GRIK4: variants seen among roughly 807,000 people sequenced by gnomAD.
GRIK4 encodes glutamate ionotropic receptor kainate type subunit 4, also known as glutamate receptor ionotropic, kainate 4.
GRIK4 carries 40 observed loss-of-function variants against 104.9 expected under a neutral mutation model. That is an observed-to-expected ratio of 0.38 (90% confidence interval 0.30 to 0.50). GRIK4 has a LOEUF of 0.50. Among genes scored for constraint, GRIK4 ranks in the 20% least tolerant of loss-of-function variants. The pLI, the probability that GRIK4 is intolerant of heterozygous loss-of-function variation, is 0.93. For synonymous variants in GRIK4, 485 were observed against 524.9 expected (o/e 0.92, Z 1.04); for missense variants, 1,047 against 1,308.1 (o/e 0.80, Z 3.08).
intron 1 of GRIK4, among the ~76,000 whole-genome samples, chr11:120,595,728 GC>G (rs1239767823): frequency 6.6e-6 from 1 of 152,208 alleles, no homozygotes; most frequent in Non-Finnish European, 1.5e-5. Context: ...GTAGGTCTCA[GC>G]TGAGCTTCCA....
At chr11:120,572,409 G>A (rs764353790) in intron 1 of GRIK4, among the ~76,000 whole-genome samples, 2 of 152,158 alleles carry the variant, frequency 1.3e-5, no homozygotes, top group African/African-American at 2.4e-5. Flanking sequence ...AGAGCGTTGC[G>A]GAGAAGATCA....
In GRIK4 at chr11:120,693,515, G is replaced by A. The variant is rs189803626; in HGVS notation, c.82+33115G>A. ...AGTCTGTCCATCCATCCATCCATCC[G>A]TCTATCAGTTAGTCCTTTCAATAAA... On this transcript the variant is annotated intron_variant, in intron 3 of 20. Coordinates refer to ENST00000527524, the MANE Select transcript of GRIK4 (RefSeq NM_014619.5). Among the ~76,000 whole-genome samples, 7 of 152,270 alleles carry A rather than the reference G, an allele frequency of 4.6e-5. No homozygotes were observed. In the East Asian group the frequency reaches 7.7e-4, roughly 17 times the overall value.
chr11:120,710,843 C>T (rs1404312617), intron 3 of GRIK4, among the ~76,000 whole-genome samples: 1 of 152,184 alleles, frequency 6.6e-6, no homozygotes, highest in Non-Finnish European at 1.5e-5. Context: ...TGTTTGTGTG[C>T]CTGGAGGCCT....
rs118146504 is a variant in GRIK4, at chr11:120,849,039, T to G, written c.744+12195T>G. Among the ~76,000 whole-genome samples the G allele has an allele frequency of 8.1e-3, 1,238 of 152,272 alleles. 7 individuals are homozygous for G. The highest frequency in any genetic ancestry group is 0.016 in the South Asian group (75 of 4,820). ...TTATCAGACAACCCCTTTGCTGATG[T>G]TTGACAAATAGCATGACAGGGAAGA... is the stretch of plus-strand genomic sequence containing the variant. On this transcript the variant is annotated intron_variant, in intron 8 of 20. Coordinates refer to ENST00000527524, the MANE Select transcript of GRIK4 (RefSeq NM_014619.5).
At chr11:120,937,673 T>A (rs1343608414) in intron 13 of GRIK4, among the ~76,000 whole-genome samples, 2 of 151,998 alleles carry the variant, frequency 1.3e-5, no homozygotes, top group Non-Finnish European at 2.9e-5. Flanking sequence ...TGTCAGTGAG[T>A]GAGTAGACAG....
chr11:120,810,989 C>T (rs1055243642), intron 4 of GRIK4, among the ~76,000 whole-genome samples: 1 of 152,136 alleles, frequency 6.6e-6, no homozygotes, highest in African/African-American at 2.4e-5. Context: ...TAATTCCCCC[C>T]ACAAGTGTTC....
chr11:120,952,773 C>G lies in GRIK4; in HGVS notation c.1591-82C>G. 1 of 908,640 alleles carries G rather than the reference C, an allele frequency of 1.1e-6. No homozygotes were observed. Among genetic ancestry groups the G allele is most frequent in the South Asian group, 1.3e-5 (1 of 76,990 alleles). 56.3% of individuals were successfully genotyped at this position (908,640 alleles called of 1,614,324 possible). A position where few individuals can be genotyped will look rare whatever the true frequency, so the allele number is the denominator to read the frequency against. ...ACTGGGGCCAGACCCACACTCACTA[C>G]CTCCTCTACCCCGCCCTGCCTGCCC... is the stretch of plus-strand genomic sequence containing the variant. On this transcript the variant is annotated intron_variant, in intron 14 of 20. Transcript: ENST00000527524. This position sits in a 1 kb window ranked among gnomAD's most constrained non-coding sequence, Gnocchi z 5.2.
At chr11:120,832,277 C>A (rs889668619) in intron 7 of GRIK4, among the ~76,000 whole-genome samples, 2 of 152,310 alleles carry the variant, frequency 1.3e-5, no homozygotes, top group South Asian at 4.1e-4. Context: ...CTAGATGCTG[C>A]CAAACTTAGA....
At chr11:120,530,327 G>C (rs1048979036) in intron 1 of GRIK4, among the ~76,000 whole-genome samples, 1 of 152,232 alleles carries the variant, frequency 6.6e-6, no homozygotes, top group African/African-American at 2.4e-5. Context: ...GATATTTCAT[G>C]GAGAAGAGTG....
chr11:120,955,698 C>T (rs1231058321), intron 15 of GRIK4, among the ~76,000 whole-genome samples: 1 of 152,218 alleles, frequency 6.6e-6, no homozygotes, highest in African/African-American at 2.4e-5. Context: ...CCCTTCTCAG[C>T]CCCATGCGTG....
intron 6 of GRIK4, 49 bp from the exon 7 acceptor site, chr11:120,831,803 A>G: frequency 6.7e-7 from 1 of 1,483,992 alleles, no homozygotes; most frequent in Non-Finnish European, 9.3e-7. Context: ...AGGTGTCTCT[A>G]GAGGCAGCTC....
chr11:120,517,721 C>T (rs1329778706), intron 1 of GRIK4, among the ~76,000 whole-genome samples: 5 of 152,096 alleles, frequency 3.3e-5, no homozygotes, highest in African/African-American at 9.7e-5. Context: ...CTCTACTTCA[C>T]GGAGCTCCCA....
chr11:120,651,628 C>A (rs1949620614), intron 1 of GRIK4, among the ~76,000 whole-genome samples: 1 of 152,218 alleles, frequency 6.6e-6, no homozygotes, highest in African/African-American at 2.4e-5. Flanking sequence ...AGTGCCGCCA[C>A]TGCTCTTCAG....
intron 3 of GRIK4, among the ~76,000 whole-genome samples, chr11:120,668,277 A>G (rs1330488602): frequency 1.3e-5 from 2 of 151,712 alleles, no homozygotes; most frequent in African/African-American, 2.4e-5. Context: ...AGAAAGAAAA[A>G]AGAGAGAAAG....
intron 3 of GRIK4, among the ~76,000 whole-genome samples, chr11:120,759,599 A>T (rs1951711497): frequency 6.6e-6 from 1 of 151,262 alleles, no homozygotes; most frequent in South Asian, 2.1e-4. Context: ...TCACTTAACC[A>T]CCCTGAACTG....
chr11:120,530,842 C>T (rs542742257), intron 1 of GRIK4, among the ~76,000 whole-genome samples: 8 of 152,118 alleles, frequency 5.3e-5, no homozygotes, highest in African/African-American at 1.9e-4. Context: ...ATGAGGAGAA[C>T]TCTGATTGTT....
chr11:120,957,863 C>T (rs898520001), intron 16 of GRIK4, among the ~76,000 whole-genome samples: 5 of 152,160 alleles, frequency 3.3e-5, no homozygotes, highest in Non-Finnish European at 5.9e-5. Flanking sequence ...AAGGTGAAAA[C>T]GCAGCTGAGA....
intron 1 of GRIK4, among the ~76,000 whole-genome samples, chr11:120,640,068 G>A (rs969174026): frequency 3.3e-5 from 5 of 152,098 alleles, no homozygotes; most frequent in African/African-American, 9.7e-5. Context: ...GTCTTGATCC[G>A]GACCCCAAGA....
At position 120,940,136 on chromosome 11, in the gene GRIK4, C is replaced by T. The variant is rs972354622; in HGVS notation, c.1477-211C>T. On this transcript the variant is annotated intron_variant, in intron 13 of 20. Transcript: ENST00000527524. The surrounding 1 kb of genome is among the most constrained non-coding windows in gnomAD (Gnocchi z 4.3). ...TATTTATGTATTTAAAGGGATCTAA[C>T]GACAAGTGAACATGAGTTATAGCTT... is the stretch of plus-strand genomic sequence containing the variant. 3.9e-5 allele frequency among the ~76,000 whole-genome samples: 6 copies of T among 152,128 alleles called. No homozygotes were observed. Among genetic ancestry groups the T allele is most frequent in the Non-Finnish European group, 7.3e-5 (5 of 68,032 alleles).
Sources: allele counts gnomAD v4.1 joint callset (sites outside exome capture counted in the v4.1 genomes callset), GRCh38; gene constraint gnomAD v4.1.1; non-coding constraint Gnocchi (gnomAD v3.1); transcripts MANE v1.5; gene names NCBI Gene and HGNC (gene_info 2026-07-23, HGNC 2026-07-21).